Variants in RPTOR observed in about 807,000 individuals in gnomAD.
RPTOR encodes the protein regulatory associated protein of MTOR complex 1, also known as regulatory-associated protein of mTOR.
A neutral mutation model predicts 169.9 loss-of-function variants in RPTOR; 21 were observed. The observed-to-expected ratio is 0.12, with a 90% CI of 0.09 to 0.18. The LOEUF (loss-of-function observed/expected upper bound fraction) is 0.18, where lower values mean the gene tolerates loss of function less well. Among genes scored for constraint, RPTOR ranks in the 10% least tolerant of loss-of-function variants. The pLI is 1.00. For synonymous variants in RPTOR, 732 were observed against 753.2 expected, an observed-to-expected ratio of 0.97 and a Z score of 0.46; for missense variants, 1,133 against 1,855.9, an observed-to-expected ratio of 0.61 and a Z score of 7.16.
At chr17:80,554,915 A>G (rs997024617) in intron 1 of RPTOR, among the ~76,000 whole-genome samples, 11 of 152,222 alleles carry the variant, frequency 7.2e-5, no homozygotes, top group Non-Finnish European at 4.4e-5. Flanking sequence ...ATTTGTAGAA[A>G]TGTTATTTAT....
chr17:80,964,210 GCAGT>G, intron 33 of RPTOR, 48 bp from the exon 34 acceptor site: 761 of 561,518 alleles, frequency 1.4e-3, no homozygotes, highest in Non-Finnish European at 2.0e-3. Flanking sequence ...CCCGCCCCCC[GCAGT>G]GTCTGCCCGC....
chr17:80,624,748 G>A (rs1268412444), intron 1 of RPTOR, among the ~76,000 whole-genome samples: 1 of 152,164 alleles, frequency 6.6e-6, no homozygotes, highest in Non-Finnish European at 1.5e-5. Flanking sequence ...ACGGCTTAAA[G>A]GGTCAATGTA....
intron 11 of RPTOR, among the ~76,000 whole-genome samples, chr17:80,853,008 C>T (rs1027211327): frequency 3.3e-4 from 50 of 152,222 alleles, no homozygotes; most frequent in African/African-American, 1.1e-3. Context: ...AGCCTCTGGC[C>T]AGTGCTGCAG....
At chr17:80,570,129 G>A (rs892601784) in intron 1 of RPTOR, among the ~76,000 whole-genome samples, 1 of 152,100 alleles carries the variant, frequency 6.6e-6, no homozygotes, top group African/African-American at 2.4e-5. Context: ...CTCAGTGACT[G>A]TCACGGTCTG....
chr17:80,626,683 G>C (rs1025435795), intron 2 of RPTOR, among the ~76,000 whole-genome samples: 13 of 149,828 alleles, frequency 8.7e-5, no homozygotes, highest in African/African-American at 3.2e-4. Flanking sequence ...CTGTAGAGCT[G>C]GAATTTGAAC....
At chr17:80,934,091 G>A (rs537541082) in intron 24 of RPTOR, among the ~76,000 whole-genome samples, 10 of 150,422 alleles carry the variant, frequency 6.6e-5, no homozygotes, top group Admixed American at 2.0e-4. Flanking sequence ...ACTACCAAAC[G>A]TCATTCAGTA....
intron 7 of RPTOR, 75 bp downstream of exon 7, chr17:80,791,584 C>T (rs1397590561): frequency 1.6e-6 from 2 of 1,276,420 alleles, no homozygotes; most frequent in Admixed American, 4.2e-5. Context: ...GCTCTTGCTT[C>T]TCAGAAGTAC....
At chr17:80,709,869 A>T (rs1598245054) in intron 4 of RPTOR, among the ~76,000 whole-genome samples, 1 of 152,042 alleles carries the variant, frequency 6.6e-6, no homozygotes, top group Admixed American at 6.6e-5. Flanking sequence ...GGTTTGAGGG[A>T]ATTCTTTGTA....
chr17:80,614,447 C>T (rs1470956822), intron 1 of RPTOR, among the ~76,000 whole-genome samples: 2 of 152,250 alleles, frequency 1.3e-5, no homozygotes, highest in African/African-American at 4.8e-5. Context: ...GTGGCTCCTT[C>T]AGAATATCTG....
At chr17:80,964,209 C>CCCCCGGTG in intron 33 of RPTOR, 53 bp from the exon 34 acceptor site, 1 of 1,325,554 alleles carries the variant, frequency 7.5e-7, no homozygotes, top group Non-Finnish European at 1.1e-6. Flanking sequence ...CCCCGCCCCC[C>CCCCCGGTG]GCAGTGTCTG....
At chr17:80,839,030 ACCGATGGTCAGGAAGGTT>A (rs1337468158) in intron 10 of RPTOR, among the ~76,000 whole-genome samples, 1 of 152,242 alleles carries the variant, frequency 6.6e-6, no homozygotes, top group Non-Finnish European at 1.5e-5. Context: ...GGGCAGGGGC[ACCGATGGTCAGGAAGGTT>A]CCGTCCACTG....
intron 16 of RPTOR, 38 bp from the exon 17 acceptor site, chr17:80,884,970 G>T (rs371597114): frequency 1.3e-6 from 2 of 1,592,260 alleles, no homozygotes; most frequent in Admixed American, 1.7e-5. Context: ...AGCATGGCCC[G>T]GTGTGGGACA....
Position 80,562,884 on chromosome 17 carries a change from C to T in RPTOR, c.162+17093C>T, listed in dbSNP as rs1404853601. On this transcript the variant is annotated intron_variant, in intron 1 of 33. Coordinates refer to ENST00000306801, the MANE Select transcript of RPTOR (RefSeq NM_020761.3). This position sits in a 1 kb window ranked among gnomAD's most constrained non-coding sequence, Gnocchi z 4.4. ...TTAAATCAGATTTTTCCTGCATTTT[C>T]TGTAAGTCCTTGCTGAGGTCCAGAT... 6.6e-6 allele frequency among the ~76,000 whole-genome samples: 1 copy of T among 152,242 alleles called. No homozygotes were observed. Among genetic ancestry groups the T allele is most frequent in the African/African-American group, 2.4e-5 (1 of 41,460 alleles).
intron 5 of RPTOR, among the ~76,000 whole-genome samples, chr17:80,733,547 T>C (rs1375163135): frequency 1.3e-5 from 2 of 152,246 alleles, no homozygotes; most frequent in East Asian, 3.8e-4. Flanking sequence ...GATGACATGC[T>C]GAGACCACTG....
At chr17:80,846,699 T>A in intron 11 of RPTOR, 125 bp downstream of exon 11, 1 of 744,064 alleles carries the variant, frequency 1.3e-6, no homozygotes, top group Non-Finnish European at 2.3e-6. Flanking sequence ...CCAGCCCCTC[T>A]GCCCCGAAGA....
At chr17:80,792,460 C>T (rs531772735) in intron 7 of RPTOR, among the ~76,000 whole-genome samples, 4 of 152,050 alleles carry the variant, frequency 2.6e-5, no homozygotes, top group Admixed American at 6.6e-5. Flanking sequence ...TCACTCCCAC[C>T]GTGGAAGGTG....
intron 4 of RPTOR, among the ~76,000 whole-genome samples, chr17:80,712,571 A>T (rs551831501): frequency 6.6e-6 from 1 of 152,272 alleles, no homozygotes; most frequent in Admixed American, 6.5e-5. Context: ...CCATTTTCCT[A>T]TTCAAGGGCA....
intron 1 of RPTOR, among the ~76,000 whole-genome samples, chr17:80,567,259 C>T (rs1429830120): frequency 6.6e-6 from 1 of 151,158 alleles, no homozygotes; most frequent in Non-Finnish European, 1.5e-5. Context: ...GTGTGAGCCA[C>T]CATGCCCAAC....
intron 11 of RPTOR, among the ~76,000 whole-genome samples, chr17:80,852,823 C>A (rs1013785194): frequency 6.6e-6 from 1 of 152,060 alleles, no homozygotes; most frequent in Non-Finnish European, 1.5e-5. Flanking sequence ...CCGTGGAAGT[C>A]GTGCTGGCCG....
Sources: allele counts gnomAD v4.1 joint callset (sites outside exome capture counted in the v4.1 genomes callset), GRCh38; gene constraint gnomAD v4.1.1; non-coding constraint Gnocchi (gnomAD v3.1); transcripts MANE v1.5; gene names NCBI Gene and HGNC (gene_info 2026-07-23, HGNC 2026-07-21).